PRKN: variants seen among roughly 807,000 people sequenced by gnomAD.
PRKN encodes the protein E3 ubiquitin-protein ligase parkin.
In PRKN, 56 loss-of-function variants were observed where a neutral mutation model predicts 59.5. The ratio of observed to expected loss-of-function variants is 0.94; its 90% CI spans 0.76 to 1.18. The LOEUF is 1.18. PRKN is among the 50% of genes most tolerant of loss of function. The probability of loss-of-function intolerance (pLI) is 0.00; values close to 1 mark genes in which losing one functional copy is unlikely to be tolerated. For synonymous variants in PRKN, 250 were observed against 222.1 expected (o/e 1.13, Z -1.12); for missense variants, 657 against 596.4 (o/e 1.10, Z -1.06).
chr6:161,548,642 T>C lies in PRKN; in HGVS notation c.1083+212A>G, dbSNP rs994447769. On this transcript the variant is annotated intron_variant, in intron 9 of 11. Transcript: ENST00000366898. This position sits in a 1 kb window ranked among gnomAD's most constrained non-coding sequence, Gnocchi z 4.2. ...TTCCATAAGCAACCAAAGCAGAAAA[T>C]CTTCATATAACTGTTTTCACCAAAA... 1 of 560,470 alleles carries C rather than the reference T, an allele frequency of 1.8e-6. No homozygotes were observed. Among genetic ancestry groups the C allele is most frequent in the Non-Finnish European group, 3.1e-6 (1 of 319,132 alleles). 34.7% of individuals were successfully genotyped at this position (560,470 alleles called of 1,614,324 possible).
At chr6:161,997,003 C>A (rs1781872847) in intron 5 of PRKN, among the ~76,000 whole-genome samples, 1 of 152,090 alleles carries the variant, frequency 6.6e-6, no homozygotes. Context: ...ATCTTGCAAA[C>A]CTAGTCTACC....
intron 5 of PRKN, among the ~76,000 whole-genome samples, chr6:162,034,283 G>GA (rs969738443): frequency 4.0e-5 from 6 of 151,472 alleles, no homozygotes; most frequent in African/African-American, 1.5e-4. Flanking sequence ...AGAGCTTGCT[G>GA]AAAACAACCC....
intron 1 of PRKN, among the ~76,000 whole-genome samples, chr6:162,620,686 T>G (rs369670935): frequency 7.9e-5 from 12 of 152,154 alleles, no homozygotes; most frequent in South Asian, 2.1e-4. Flanking sequence ...TCATTTTTTT[T>G]GGGTTAACAC....
chr6:162,359,590 TTAAA>T, intron 2 of PRKN, among the ~76,000 whole-genome samples: 1 of 87,988 alleles, frequency 1.1e-5, no homozygotes, highest in African/African-American at 5.7e-5. Context: ...CCTTTTAAAA[TTAAA>T]AAAAAAAAAA....
Position 161,946,469 on chromosome 6 carries a change from G to A in PRKN, c.734+26833C>T, listed in dbSNP as rs561708864. Among the ~76,000 whole-genome samples the A allele has an allele frequency of 1.6e-4, 24 of 146,102 alleles. No homozygotes were observed. The East Asian group carries it at 3.0e-3, about 18-fold the overall frequency. ...TCTCTCTCAATACAAAAGAGACAGCGCTAACCCTGTCTTGAATCCATAGAA... is the reference window on the plus strand; with the variant it reads ...TCTCTCTCAATACAAAAGAGACAGCACTAACCCTGTCTTGAATCCATAGAA... On this transcript the variant is annotated intron_variant, in intron 6 of 11. Transcript: ENST00000366898.
chr6:162,280,526 C>T (rs1460654476), intron 2 of PRKN, among the ~76,000 whole-genome samples: 3 of 152,190 alleles, frequency 2.0e-5, no homozygotes, highest in South Asian at 4.2e-4. Flanking sequence ...CATGGTGGCT[C>T]ACTCCTCTAA....
At chr6:162,375,224 G>A (rs956973074) in intron 2 of PRKN, among the ~76,000 whole-genome samples, 4 of 152,002 alleles carry the variant, frequency 2.6e-5, no homozygotes. Context: ...TAGGCCAAAC[G>A]TTATAAATAG....
At chr6:161,906,122 T>A (rs1186660792) in intron 6 of PRKN, among the ~76,000 whole-genome samples, 5 of 152,164 alleles carry the variant, frequency 3.3e-5, no homozygotes, top group Non-Finnish European at 7.4e-5. Context: ...TATGGGCCAG[T>A]ATGCTCAGCC....
At chr6:161,856,733 G>C (rs949454264) in intron 6 of PRKN, among the ~76,000 whole-genome samples, 2 of 151,782 alleles carry the variant, frequency 1.3e-5, no homozygotes, top group African/African-American at 4.8e-5. Context: ...GTTTCTTTTA[G>C]GTGCATTGGA....
intron 1 of PRKN, among the ~76,000 whole-genome samples, chr6:162,656,857 A>G (rs774327179): frequency 7.3e-5 from 11 of 151,520 alleles, no homozygotes; most frequent in African/African-American, 1.2e-4. Context: ...CTCCAGCCAT[A>G]CTCCTCTCAA....
At chr6:162,475,641 A>G (rs1791970684) in intron 1 of PRKN, among the ~76,000 whole-genome samples, 1 of 152,360 alleles carries the variant, frequency 6.6e-6, no homozygotes, top group African/African-American at 2.4e-5. Flanking sequence ...ATCAAGAGAC[A>G]CAAGCACAGG....
chr6:161,876,544 C>T lies in PRKN; in HGVS notation c.735-90636G>A, dbSNP rs2128228477. Among the ~76,000 whole-genome samples, 4 of 152,238 alleles carry T rather than the reference C, an allele frequency of 2.6e-5. 1 individual carries two copies. Among genetic ancestry groups the T allele is most frequent in the Admixed American group, 2.6e-4 (4 of 15,286 alleles). On this transcript the variant is annotated intron_variant, in intron 6 of 11. Transcript: ENST00000366898. ...CCCAGGCTGGTCTCAAACTCCTGAG[C>T]TCAAGTGATCCTTTCTCCTTCGCAT...
chr6:162,406,527 C>A (rs980543401), intron 2 of PRKN, among the ~76,000 whole-genome samples: 1 of 152,180 alleles, frequency 6.6e-6, no homozygotes, highest in East Asian at 1.9e-4. Context: ...ATCTGTGTAG[C>A]AAATATTCTA....
rs559958138 is a variant in PRKN at position 161,483,524 on chromosome 6, G to A, written c.1083+65330C>T. Among the ~76,000 whole-genome samples, 15 of 152,250 alleles carry A rather than the reference G, an allele frequency of 9.9e-5. No homozygotes were observed. The highest frequency in any genetic ancestry group is 1.9e-4 in the East Asian group (1 of 5,162). On this transcript the variant is annotated intron_variant, in intron 9 of 11. Coordinates refer to ENST00000366898, the MANE Select transcript of PRKN (RefSeq NM_004562.3). The surrounding 1 kb of genome is among the most constrained non-coding windows in gnomAD (Gnocchi z 5.0). ...ATATGGACTTGCATTAATTCCCAGC[G>A]TATAAACTCATGGATCCTCCACAGA... is the stretch of plus-strand genomic sequence containing the variant.
intron 1 of PRKN, among the ~76,000 whole-genome samples, chr6:162,601,393 G>T (rs1054654335): frequency 6.6e-6 from 1 of 152,032 alleles, no homozygotes; most frequent in African/African-American, 2.4e-5. Flanking sequence ...TATAAAGTAT[G>T]TAATATTTGT....
At chr6:161,978,472 C>A (rs555230951) in intron 5 of PRKN, among the ~76,000 whole-genome samples, 2 of 152,308 alleles carry the variant, frequency 1.3e-5, no homozygotes, top group East Asian at 3.9e-4. Context: ...GTGAGAAGGG[C>A]CTTTTTCGAA....
chr6:161,732,573 A>T (rs182419041), intron 7 of PRKN, among the ~76,000 whole-genome samples: 180 of 152,222 alleles, frequency 1.2e-3, no homozygotes, highest in Non-Finnish European at 2.0e-3. Flanking sequence ...TTCAAGATGC[A>T]TACAGTGTAC....
chr6:162,119,630 T>C (rs1368973374), intron 4 of PRKN, among the ~76,000 whole-genome samples: 2 of 152,086 alleles, frequency 1.3e-5, no homozygotes, highest in Non-Finnish European at 2.9e-5. Flanking sequence ...AGCTGTTTTT[T>C]CCCCTCCTCT....
At chr6:161,455,294 C>T (rs1196115601) in intron 9 of PRKN, among the ~76,000 whole-genome samples, 1 of 152,036 alleles carries the variant, frequency 6.6e-6, no homozygotes, top group East Asian at 1.9e-4. Flanking sequence ...GCCTCGGCCT[C>T]CTAAAGTGCT....
Sources: allele counts gnomAD v4.1 joint callset (sites outside exome capture counted in the v4.1 genomes callset), GRCh38; gene constraint gnomAD v4.1.1; non-coding constraint Gnocchi (gnomAD v3.1); transcripts MANE v1.5; gene names NCBI Gene and HGNC (gene_info 2026-07-23, HGNC 2026-07-21).